Variants in AGPS observed in about 807,000 individuals in gnomAD.
AGPS encodes the protein alkyldihydroxyacetonephosphate synthase, peroxisomal.
A neutral mutation model predicts 90.7 loss-of-function variants in AGPS; 26 were observed. That is an observed-to-expected ratio of 0.29 (90% CI 0.21 to 0.40). AGPS has a LOEUF of 0.40. AGPS is among the 10% of genes least tolerant of loss of function. AGPS has a pLI of 1.00. For missense variants in AGPS, 540 were observed against 816.1 expected (o/e 0.66, Z 4.12); for synonymous variants, 294 against 285.3 (o/e 1.03, Z -0.31).
At position 177,398,269 on chromosome 2, in the gene AGPS, A is replaced by G. The variant is rs1685240522; in HGVS notation, c.260+5220A>G. ...GGTAGTTATGTTGAATGAAATATTTACCCTATTTTGAGTTCCTAGCTAGGA... is the reference window on the plus strand; with the variant it reads ...GGTAGTTATGTTGAATGAAATATTTGCCCTATTTTGAGTTCCTAGCTAGGA... On this transcript the variant is annotated intron_variant, in intron 1 of 19. Coordinates refer to ENST00000264167, the MANE Select transcript of AGPS (RefSeq NM_003659.4). 2.6e-5 allele frequency among the ~76,000 whole-genome samples: 4 copies of G among 152,200 alleles called. No individual in the cohort carries two copies. In the South Asian group the frequency reaches 8.3e-4, roughly 32 times the overall value.
chr2:177,538,292 A>T lies in AGPS; in HGVS notation c.*97A>T. The T allele has an allele frequency of 2.3e-6, 3 of 1,314,914 alleles. No homozygotes were observed. Among genetic ancestry groups the T allele is most frequent in the Non-Finnish European group, 3.2e-6 (3 of 929,850 alleles). The allele number at this position is 1,314,914 out of a possible 1,614,324, so 81.5% of individuals were successfully genotyped here. A position where few individuals can be genotyped will look rare whatever the true frequency, so the allele number is the denominator to read the frequency against. ...AAATATATCATGGACTATATTTTGG[A>T]TACATTTGTTTCTTTGGTTTAAAAT... On this transcript the variant is annotated 3_prime_UTR_variant, in exon 20 of 20. Coordinates refer to ENST00000264167, the MANE Select transcript of AGPS (RefSeq NM_003659.4).
At chr2:177,440,813 A>G in intron 5 of AGPS, 152 bp from the exon 6 acceptor site, 1 of 618,022 alleles carries the variant, frequency 1.6e-6, no homozygotes, top group Non-Finnish European at 2.8e-6. Flanking sequence ...TTAAAAAGGT[A>G]AAGTGTTTTA....
intron 2 of AGPS, among the ~76,000 whole-genome samples, chr2:177,424,135 C>T (rs1686012142): frequency 6.6e-6 from 1 of 152,074 alleles, no homozygotes; most frequent in Non-Finnish European, 1.5e-5. Context: ...TTGATGGGCC[C>T]CAGTGTATGT....
chr2:177,407,609 C>T (rs1343405676), intron 1 of AGPS, among the ~76,000 whole-genome samples: 1 of 152,068 alleles, frequency 6.6e-6, no homozygotes, highest in Non-Finnish European at 1.5e-5. Context: ...CTTGAGGGAT[C>T]TGCCCCCATG....
intron 16 of AGPS, among the ~76,000 whole-genome samples, chr2:177,508,840 T>G (rs1352062224): frequency 6.6e-6 from 1 of 152,158 alleles, no homozygotes; most frequent in African/African-American, 2.4e-5. Flanking sequence ...ATCTGGAAAT[T>G]TCACTGGAAA....
At chr2:177,449,035 T>G (rs1686859693) in intron 8 of AGPS, among the ~76,000 whole-genome samples, 1 of 152,250 alleles carries the variant, frequency 6.6e-6, no homozygotes, top group Admixed American at 6.5e-5. Flanking sequence ...TTCTTTTTGT[T>G]GCTCAGCAGT....
chr2:177,517,804 T>G (rs939809598), intron 17 of AGPS, among the ~76,000 whole-genome samples: 5 of 152,234 alleles, frequency 3.3e-5, no homozygotes, highest in Non-Finnish European at 7.3e-5. Context: ...TCAATATGAT[T>G]ACCTAACTCA....
chr2:177,501,441 G>T (rs969647950), intron 14 of AGPS, among the ~76,000 whole-genome samples: 2 of 151,826 alleles, frequency 1.3e-5, no homozygotes, highest in Non-Finnish European at 2.9e-5. Flanking sequence ...ATTTTTATAG[G>T]GCATGACCTA....
At chr2:177,467,756 A>T (rs989968542) in intron 9 of AGPS, among the ~76,000 whole-genome samples, 3 of 152,272 alleles carry the variant, frequency 2.0e-5, no homozygotes, top group African/African-American at 7.2e-5. Context: ...TTCATTCTAA[A>T]AATATTTTGG....
chr2:177,449,006 G>C (rs1479598047), intron 8 of AGPS, among the ~76,000 whole-genome samples: 1 of 152,140 alleles, frequency 6.6e-6, no homozygotes, highest in African/African-American at 2.4e-5. Context: ...CCATATTGTT[G>C]CATTTATCAG....
In AGPS at chr2:177,538,907, A is replaced by T. The variant is rs2079207463; in HGVS notation, c.*712A>T. Reference sequence around the variant, plus strand: ...CCTATTGTTATATTCTAATTCATTGATAATATGTTTTGTAAGAAAAGCTGA... The same window carrying T: ...CCTATTGTTATATTCTAATTCATTGTTAATATGTTTTGTAAGAAAAGCTGA... On this transcript the variant is annotated 3_prime_UTR_variant, in exon 20 of 20. Transcript: ENST00000264167. 1 of 151,956 alleles carries T rather than the reference A, an allele frequency of 6.6e-6. No individual in the cohort carries two copies. Among genetic ancestry groups the T allele is most frequent in the Non-Finnish European group, 1.5e-5 (1 of 67,926 alleles). The allele number at this position is 151,956 out of a possible 1,614,324, so 9.4% of individuals were successfully genotyped here.
intron 10 of AGPS, among the ~76,000 whole-genome samples, chr2:177,477,827 A>G (rs1446199151): frequency 6.6e-6 from 1 of 152,154 alleles, no homozygotes; most frequent in African/African-American, 2.4e-5. Context: ...TCACATTTGT[A>G]TATGTTATAG....
intron 9 of AGPS, among the ~76,000 whole-genome samples, chr2:177,466,471 G>A (rs541486828): frequency 4.6e-5 from 7 of 152,198 alleles, no homozygotes; most frequent in South Asian, 2.1e-4. Flanking sequence ...GGGTTTCACC[G>A]GGGACCGCCC....
intron 1 of AGPS, among the ~76,000 whole-genome samples, chr2:177,402,663 ACGG>A (rs1685361206): frequency 6.6e-6 from 1 of 152,202 alleles, no homozygotes; most frequent in African/African-American, 2.4e-5. Flanking sequence ...TTTAAAACAT[ACGG>A]TTAAGTGCTA....
intron 7 of AGPS, among the ~76,000 whole-genome samples, chr2:177,443,080 A>G (rs1173906377): frequency 2.0e-5 from 3 of 151,714 alleles, no homozygotes; most frequent in Admixed American, 6.6e-5. Context: ...TTTTTTTTCT[A>G]GTAGTTTTAG....
At chr2:177,394,974 G>A (rs1318548141) in intron 1 of AGPS, among the ~76,000 whole-genome samples, 2 of 152,116 alleles carry the variant, frequency 1.3e-5, no homozygotes, top group Non-Finnish European at 2.9e-5. Flanking sequence ...AAAATGCTAG[G>A]AGGTAAATTT....
At chr2:177,495,400 A>G (rs983967979) in intron 12 of AGPS, among the ~76,000 whole-genome samples, 1 of 152,184 alleles carries the variant, frequency 6.6e-6, no homozygotes, top group South Asian at 2.1e-4. Context: ...TATTTTGACT[A>G]CGGTCCACAA....
intron 14 of AGPS, among the ~76,000 whole-genome samples, chr2:177,503,212 T>C (rs1208703491): frequency 6.6e-6 from 1 of 152,166 alleles, no homozygotes; most frequent in Non-Finnish European, 1.5e-5. Flanking sequence ...AGCCACATAA[T>C]GAATAATCAT....
intron 2 of AGPS, among the ~76,000 whole-genome samples, chr2:177,420,656 T>C (rs1685917475): frequency 6.6e-6 from 1 of 151,748 alleles, no homozygotes; most frequent in Non-Finnish European, 1.5e-5. Context: ...TATTTAGTTA[T>C]CCAGTTCATA....
Sources: gnomAD v4.1 joint callset for allele counts (sites outside exome capture counted in the v4.1 genomes callset) on GRCh38, gnomAD v4.1.1 for gene constraint, MANE v1.5 for transcripts, NCBI Gene and HGNC (gene_info 2026-07-23, HGNC 2026-07-21) for gene names.